Variants in PCSK1 observed in about 807,000 individuals in gnomAD.
The protein encoded by PCSK1 is proprotein convertase subtilisin/kexin type 1, also known as neuroendocrine convertase 1.
A neutral mutation model predicts 90.6 loss-of-function variants in PCSK1; 56 were observed. The observed-to-expected ratio is 0.62, with a 90% CI of 0.50 to 0.77. PCSK1 has a LOEUF of 0.77. Among genes scored for constraint, PCSK1 ranks in the 30% least tolerant of loss-of-function variants. The probability of loss-of-function intolerance (pLI) is 0.00; values close to 1 mark genes in which losing one functional copy is unlikely to be tolerated. For missense variants in PCSK1, 801 were observed against 932.6 expected (o/e 0.86, Z 1.84); for synonymous variants, 348 against 342.4 (o/e 1.02, Z -0.18).
At chr5:96,414,250 A>T (rs565835361) in intron 6 of PCSK1, among the ~76,000 whole-genome samples, 3 of 152,260 alleles carry the variant, frequency 2.0e-5, no homozygotes, top group African/African-American at 7.2e-5. Flanking sequence ...GATGATAATA[A>T]CAGCTCATGT....
intron 3 of PCSK1, among the ~76,000 whole-genome samples, chr5:96,425,470 G>C (rs904169373): frequency 4.6e-5 from 7 of 152,090 alleles, no homozygotes; most frequent in Non-Finnish European, 1.0e-4. Context: ...TGCTTTAAAG[G>C]GTTCTGAAGA....
intron 3 of PCSK1, among the ~76,000 whole-genome samples, chr5:96,425,614 G>T (rs754048580): frequency 5.3e-5 from 8 of 151,752 alleles, no homozygotes; most frequent in Non-Finnish European, 1.0e-4. Flanking sequence ...TTTCACAGCA[G>T]CTAAAGATAT....
chr5:96,392,762 A>T lies in PCSK1; in HGVS notation c.*239T>A, dbSNP rs1759988601. ...ACTGTGACTCCAGAAAGAACAAAAC[A>T]CTTCACTTGTGCAGACAGGAAAGAT... On this transcript the variant is annotated 3_prime_UTR_variant, in exon 14 of 14. Transcript: ENST00000311106. 1 of 561,042 alleles carries T rather than the reference A, an allele frequency of 1.8e-6. No individual in the cohort carries two copies. The highest frequency in any genetic ancestry group is 3.1e-5 in the Admixed American group (1 of 32,450). The allele number at this position is 561,042 out of a possible 1,614,324, so 34.8% of individuals were successfully genotyped here.
Position 96,428,230 on chromosome 5 carries a change from T to C in PCSK1, c.285+983A>G, listed in dbSNP as rs1414876015. Reference sequence around the variant, plus strand: ...GAATTTCGTCTACTTTCAACAGTTCTATCACCTTTCTGTCACATACATATA... The same window carrying C: ...GAATTTCGTCTACTTTCAACAGTTCCATCACCTTTCTGTCACATACATATA... On this transcript the variant is annotated intron_variant, in intron 2 of 13. Transcript: ENST00000311106. Among the ~76,000 whole-genome samples, 5 of 152,328 alleles carry C rather than the reference T, an allele frequency of 3.3e-5. No individual in the cohort carries two copies. In the East Asian group the frequency reaches 9.6e-4, roughly 29 times the overall value.
In PCSK1 at chr5:96,410,883, A is replaced by G. The variant is rs2112419704; in HGVS notation, c.986T>C (p.Ile329Thr). 2.5e-6 allele frequency: 4 copies of G among 1,613,958 alleles called. No individual in the cohort carries two copies. The highest frequency in any genetic ancestry group is 3.4e-6 in the Non-Finnish European group (4 of 1,179,864). The change falls in exon 8 of 14, where the codon ATC becomes ACC. Residue 329 changes from isoleucine to threonine, a missense_variant. By Grantham distance (89) the Ile-to-Thr change is moderately conservative. Coordinates refer to ENST00000311106, the MANE Select transcript of PCSK1 (RefSeq NM_000439.5). ...TTGCTGGGAGGCACTGCTGATGGAG[A>G]TGGTGTAGATGCTGTCTGTGTAGCC... is the stretch of plus-strand genomic sequence containing the variant. ...CDGYTDSIYT[I>T]SISSASQQGL...
intron 3 of PCSK1, among the ~76,000 whole-genome samples, chr5:96,424,049 A>G (rs890374049): frequency 2.6e-5 from 4 of 152,112 alleles, no homozygotes; most frequent in African/African-American, 7.2e-5. Context: ...TCCTTTTAAA[A>G]TACATTTTCT....
chr5:96,399,347 C>A (rs1760272756), intron 10 of PCSK1, among the ~76,000 whole-genome samples: 1 of 152,026 alleles, frequency 6.6e-6, no homozygotes, highest in Non-Finnish European at 1.5e-5. Flanking sequence ...GAAGGCATGC[C>A]CCAAGCCTCC....
At chr5:96,426,642 G>A (rs1332920045) in intron 2 of PCSK1, among the ~76,000 whole-genome samples, 2 of 152,010 alleles carry the variant, frequency 1.3e-5, no homozygotes, top group African/African-American at 4.8e-5. Flanking sequence ...AGAGAGTGAG[G>A]GGCTGCCTTG....
intron 6 of PCSK1, among the ~76,000 whole-genome samples, chr5:96,415,177 C>G (rs1378783856): frequency 6.6e-6 from 1 of 152,172 alleles, no homozygotes. Flanking sequence ...CACTCTTCTC[C>G]ATTAGAACAT....
At chr5:96,420,693 G>C (rs1459470290) in intron 5 of PCSK1, among the ~76,000 whole-genome samples, 2 of 139,358 alleles carry the variant, frequency 1.4e-5, no homozygotes, top group Admixed American at 1.4e-4. Flanking sequence ...CTTTAGATCA[G>C]TATTACTGCA....
In PCSK1 at chr5:96,392,767, A is replaced by G. The variant is rs1429121199; in HGVS notation, c.*234T>C. On this transcript the variant is annotated 3_prime_UTR_variant, in exon 14 of 14. Transcript: ENST00000311106. ...GACTCCAGAAAGAACAAAACACTTC[A>G]CTTGTGCAGACAGGAAAGATGTGTT... 2 of 568,942 alleles carry G rather than the reference A, an allele frequency of 3.5e-6. No individual in the cohort carries two copies. Among genetic ancestry groups the G allele is most frequent in the Non-Finnish European group, 6.3e-6 (2 of 319,992 alleles). 35.2% of individuals were successfully genotyped at this position (568,942 alleles called of 1,614,324 possible). A position where few individuals can be genotyped will look rare whatever the true frequency, so the allele number is the denominator to read the frequency against.
In PCSK1 at chr5:96,423,294, T is replaced by C. The variant is rs765046112; in HGVS notation, c.543+19A>G. The stretch of plus-strand genomic sequence containing the variant: ...CAGACAGCTCCCTAAGTCACAGTCA[T>C]GAGAAGGCACACACTTACATAGTTG... On this transcript the variant is annotated intron_variant, in intron 4 of 13. Coordinates refer to ENST00000311106, the MANE Select transcript of PCSK1 (RefSeq NM_000439.5). 1 of 1,599,000 alleles carries C rather than the reference T, an allele frequency of 6.3e-7. No homozygotes were observed. The highest frequency in any genetic ancestry group is 1.1e-5 in the South Asian group (1 of 88,660).
intron 5 of PCSK1, among the ~76,000 whole-genome samples, chr5:96,421,593 T>A (rs146309312): frequency 1.3e-5 from 2 of 152,324 alleles, no homozygotes; most frequent in African/African-American, 4.8e-5. Context: ...GTGTGTACTC[T>A]TTATGTCTCA....
chr5:96,393,183 T>A lies in PCSK1; in HGVS notation c.2080A>T (p.Asn694Tyr), dbSNP rs1308695123. ...SPKKSPSAKL[N>Y]IPYENFYEAL... ...TCGTAGAAGTTTTCATAAGGGATGT[T>A]GAGCTTTGCACTTGGGGACTTCTTT... The change falls in exon 14 of 14, where the codon AAC becomes TAC. Residue 694 changes from asparagine (N) to tyrosine (Y), a missense_variant. Transcript: ENST00000311106. 1 of 1,612,312 alleles carries A rather than the reference T, an allele frequency of 6.2e-7. No individual in the cohort carries two copies. Among genetic ancestry groups the A allele is most frequent in the Non-Finnish European group, 8.5e-7 (1 of 1,178,440 alleles).
At chr5:96,401,405 G>A (rs924958262) in intron 9 of PCSK1, among the ~76,000 whole-genome samples, 1 of 152,324 alleles carries the variant, frequency 6.6e-6, no homozygotes, top group South Asian at 2.1e-4. Context: ...AGGCAGTGAG[G>A]AGTATTGGGC....
chr5:96,427,989 A>C (rs927936799), intron 2 of PCSK1, among the ~76,000 whole-genome samples: 7 of 152,158 alleles, frequency 4.6e-5, no homozygotes, highest in Admixed American at 3.9e-4. Flanking sequence ...ATAACTTGAC[A>C]AAAAAGAGCT....
chr5:96,392,684 A>T lies in PCSK1; in HGVS notation c.*317T>A, dbSNP rs1759984991. The T allele has an allele frequency of 3.8e-6, 1 of 260,678 alleles. No homozygotes were observed. 16.1% of individuals were successfully genotyped at this position (260,678 alleles called of 1,614,324 possible). ...CCAGGTTTTGCCTTTTCTTTTGAGA[A>T]TTGAAATGGGCTCTAATGCAGTGTT... On this transcript the variant is annotated 3_prime_UTR_variant, in exon 14 of 14. Transcript: ENST00000311106.
At chr5:96,396,381 T>G (rs1760145060) in intron 12 of PCSK1, among the ~76,000 whole-genome samples, 1 of 152,020 alleles carries the variant, frequency 6.6e-6, no homozygotes, top group Non-Finnish European at 1.5e-5. Context: ...ACCAACATGG[T>G]GAAACCCCAT....
intron 5 of PCSK1, among the ~76,000 whole-genome samples, chr5:96,420,737 AAGGGAGGGAGGG>A (rs1015257369): frequency 8.0e-4 from 110 of 138,328 alleles, no homozygotes; most frequent in African/African-American, 2.8e-3. Context: ...GAGAATAAGG[AAGGGAGGGAGGG>A]AGGGAGGGAG....
Sources: allele counts gnomAD v4.1 joint callset (sites outside exome capture counted in the v4.1 genomes callset), GRCh38; gene constraint gnomAD v4.1.1; transcripts MANE v1.5; gene names NCBI Gene and HGNC (gene_info 2026-07-23, HGNC 2026-07-21).